Variants in LURAP1L observed in about 807,000 individuals in gnomAD.
LURAP1L encodes the protein leucine rich adaptor protein 1 like.
LURAP1L carries 12 observed loss-of-function variants against 13.8 expected under a neutral mutation model. The ratio of observed to expected loss-of-function variants is 0.87; its 90% confidence interval spans 0.56 to 1.41. The LOEUF is 1.41. LURAP1L is among the 40% of genes most tolerant of loss of function. LURAP1L has a pLI of 0.00. For missense variants in LURAP1L, 375 were observed against 292.9 expected, an observed-to-expected ratio of 1.28 and a Z score of -2.04; for synonymous variants, 139 against 119.2, an observed-to-expected ratio of 1.17 and a Z score of -1.08.
intron 1 of LURAP1L, among the ~76,000 whole-genome samples, chr9:12,780,691 C>A (rs1401948787): frequency 6.6e-6 from 1 of 151,886 alleles, no homozygotes; most frequent in Non-Finnish European, 1.5e-5. Flanking sequence ...GTAATTTCAT[C>A]ACATATCTAC....
intron 1 of LURAP1L, 37 bp downstream of exon 1, chr9:12,776,064 G>C: frequency 6.3e-7 from 1 of 1,593,710 alleles, no homozygotes; most frequent in Non-Finnish European, 8.6e-7. Flanking sequence ...GCTGGGACCT[G>C]GGCTGGGCCA....
At chr9:12,798,846 C>A (rs964236521) in intron 1 of LURAP1L, among the ~76,000 whole-genome samples, 1 of 151,858 alleles carries the variant, frequency 6.6e-6, no homozygotes, top group Non-Finnish European at 1.5e-5. Context: ...TGCGAGTGAC[C>A]CTTGCTTGCA....
chr9:12,796,417 G>A (rs1432475161), intron 1 of LURAP1L, among the ~76,000 whole-genome samples: 1 of 151,740 alleles, frequency 6.6e-6, no homozygotes, highest in Non-Finnish European at 1.5e-5. Context: ...TTTTTGTAGT[G>A]CCTCCTTCTT....
intron 1 of LURAP1L, among the ~76,000 whole-genome samples, chr9:12,789,888 C>G (rs1399443636): frequency 6.6e-6 from 1 of 152,106 alleles, no homozygotes; most frequent in Non-Finnish European, 1.5e-5. Flanking sequence ...TATGCAGGAA[C>G]CATGGACAAG....
At position 12,820,499 on chromosome 9, in the gene LURAP1L, T is replaced by TG. The variant is rs1819859764; in HGVS notation, c.313-887_313-886insG. 4.1e-4 allele frequency among the ~76,000 whole-genome samples: 6 copies of TG among 14,732 alleles called. No individual in the cohort carries two copies. In the East Asian group the frequency reaches 8.2e-3, roughly 20 times the overall value. The allele number at this position is 14,732 out of a possible 152,430, so 9.7% of individuals were successfully genotyped here. ...GCCTGGACGACAGATCGAGACTCCG[T>TG]CCCCCCCCCCCCCCCAAAAAAAAAA... On this transcript the variant is annotated intron_variant, in intron 1 of 1. Transcript: ENST00000319264.
chr9:12,777,824 G>A (rs1000557585), intron 1 of LURAP1L, among the ~76,000 whole-genome samples: 2 of 152,182 alleles, frequency 1.3e-5, no homozygotes, highest in Non-Finnish European at 2.9e-5. Context: ...CAAGTTTTGT[G>A]AGAATTTTTA....
chr9:12,801,418 A>G (rs529467924), intron 1 of LURAP1L, among the ~76,000 whole-genome samples: 1 of 152,156 alleles, frequency 6.6e-6, no homozygotes, highest in East Asian at 1.9e-4. Context: ...GTTCCTTATT[A>G]TGGAGCTCCA....
chr9:12,816,311 C>G (rs920346267), intron 1 of LURAP1L, among the ~76,000 whole-genome samples: 4 of 152,152 alleles, frequency 2.6e-5, no homozygotes, highest in Non-Finnish European at 5.9e-5. Flanking sequence ...GTTCACAGAA[C>G]TACTTTACCA....
chr9:12,802,215 C>G (rs10960800), intron 1 of LURAP1L, among the ~76,000 whole-genome samples: 1 of 152,078 alleles, frequency 6.6e-6, no homozygotes, highest in Non-Finnish European at 1.5e-5. Flanking sequence ...AATAAAGCCT[C>G]TAAGCTATTT....
chr9:12,798,078 C>T (rs1485824463), intron 1 of LURAP1L, among the ~76,000 whole-genome samples: 1 of 152,066 alleles, frequency 6.6e-6, no homozygotes, highest in African/African-American at 2.4e-5. Flanking sequence ...ACATAAGCAT[C>T]ATTTTTATTT....
At chr9:12,811,400 C>A (rs1819733766) in intron 1 of LURAP1L, among the ~76,000 whole-genome samples, 1 of 152,106 alleles carries the variant, frequency 6.6e-6, no homozygotes, top group African/African-American at 2.4e-5. Flanking sequence ...TCATTTTTGT[C>A]ATTAATTATC....
At chr9:12,799,791 G>A (rs542175958) in intron 1 of LURAP1L, among the ~76,000 whole-genome samples, 104 of 150,712 alleles carry the variant, frequency 6.9e-4, no homozygotes, top group Non-Finnish European at 1.3e-3. Context: ...GGAGAATGGC[G>A]TGAACCTGGG....
At chr9:12,811,196 G>A (rs928049055) in intron 1 of LURAP1L, among the ~76,000 whole-genome samples, 31 of 152,120 alleles carry the variant, frequency 2.0e-4, no homozygotes, top group African/African-American at 7.5e-4. Context: ...AAGCAAGATT[G>A]CAACTTAATA....
In LURAP1L at chr9:12,819,736, C is replaced by T. The variant is rs369849863; in HGVS notation, c.313-1650C>T. The stretch of plus-strand genomic sequence containing the variant: ...TTGGGAGGCTGAGGAGGGCAGATCA[C>T]GAGGTCAGGAGTTCAAGACCAGCCT... On this transcript the variant is annotated intron_variant, in intron 1 of 1. Coordinates refer to ENST00000319264, the MANE Select transcript of LURAP1L (RefSeq NM_203403.2). 5.3e-5 allele frequency among the ~76,000 whole-genome samples: 8 copies of T among 152,178 alleles called. No individual in the cohort carries two copies. The East Asian group carries it at 9.7e-4, about 18-fold the overall frequency.
At chr9:12,780,156 C>T (rs1480459703) in intron 1 of LURAP1L, among the ~76,000 whole-genome samples, 1 of 152,150 alleles carries the variant, frequency 6.6e-6, no homozygotes, top group Non-Finnish European at 1.5e-5. Flanking sequence ...AGGTAACTCC[C>T]TAGAAAGAAC....
At chr9:12,777,717 C>A in intron 1 of LURAP1L, 1 of 319,956 alleles carries the variant, frequency 3.1e-6, no homozygotes, top group Non-Finnish European at 4.5e-6. Context: ...CCACCCTGTC[C>A]CAAGGAATGA....
chr9:12,785,253 C>A (rs967324711), intron 1 of LURAP1L, among the ~76,000 whole-genome samples: 7 of 152,066 alleles, frequency 4.6e-5, no homozygotes, highest in African/African-American at 1.4e-4. Context: ...AGGCAAAAGT[C>A]CTCTTTACTC....
chr9:12,805,243 G>A (rs941780395), intron 1 of LURAP1L, among the ~76,000 whole-genome samples: 1 of 151,990 alleles, frequency 6.6e-6, no homozygotes, highest in African/African-American at 2.4e-5. Context: ...TTTATTTTAT[G>A]AGAATTCTGG....
In LURAP1L at chr9:12,821,796, C is replaced by G; in HGVS notation, c.*36C>G. On this transcript the variant is annotated 3_prime_UTR_variant, in exon 2 of 2. Transcript: ENST00000319264. ...TTGCATGGGACTGGTGTGCAATGAA[C>G]TTGTATTTATCCTTCTTCTCCGCTG... is the stretch of plus-strand genomic sequence containing the variant. 1.3e-6 allele frequency: 2 copies of G among 1,576,174 alleles called. No homozygotes were observed. The highest frequency in any genetic ancestry group is 2.3e-5 in the East Asian group (1 of 44,232).
Sources: gnomAD v4.1 joint callset for allele counts (sites outside exome capture counted in the v4.1 genomes callset) on GRCh38, gnomAD v4.1.1 for gene constraint, MANE v1.5 for transcripts, NCBI Gene and HGNC (gene_info 2026-07-23, HGNC 2026-07-21) for gene names.